The following ZNF541 variants were observed in gnomAD, a reference collection of about 807,000 sequenced individuals.
The protein encoded by ZNF541 is zinc finger protein 541.
Under a neutral mutation model 123.5 loss-of-function variants are expected in ZNF541, and 23 were observed. That is an observed-to-expected ratio of 0.19 (90% CI 0.13 to 0.26). The LOEUF (loss-of-function observed/expected upper bound fraction) is 0.26. Ranked by LOEUF, ZNF541 falls within the 10% of genes least tolerant of loss-of-function variation. ZNF541 has a pLI of 1.00. For synonymous variants in ZNF541, 751 were observed against 754.5 expected (o/e 1.00, Z 0.08); for missense variants, 1,612 against 1,789.9 (o/e 0.90, Z 1.79).
intron 14 of ZNF541, among the ~76,000 whole-genome samples, chr19:47,522,919 G>A (rs551207335): frequency 1.1e-4 from 17 of 151,088 alleles, no homozygotes; most frequent in African/African-American, 3.9e-4. Context: ...CCTAATTTTT[G>A]TATCTTTGTA....
In ZNF541 at chr19:47,552,061, T is replaced by C. The variant is rs141221469; in HGVS notation, c.308-2576A>G. On this transcript the variant is annotated intron_variant, in intron 3 of 16. Coordinates refer to ENST00000391901, the MANE Select transcript of ZNF541 (RefSeq NM_001277075.3). ...TTAGTAGAGACGGGGTTTTGCCATG[T>C]TGGCCAGGCTAGTCTCAAACTTCTG... 5.0e-3 allele frequency among the ~76,000 whole-genome samples: 763 copies of C among 151,832 alleles called. 8 individuals carry two copies. The highest frequency in any genetic ancestry group is 0.017 in the African/African-American group (721 of 41,420).
At chr19:47,541,437 A>C (rs1443469226) in intron 5 of ZNF541, among the ~76,000 whole-genome samples, 1 of 152,166 alleles carries the variant, frequency 6.6e-6, no homozygotes, top group African/African-American at 2.4e-5. Flanking sequence ...AAAATAAAAA[A>C]TAAAAACTTT....
chr19:47,534,717 T>G (rs1002701504), intron 9 of ZNF541, among the ~76,000 whole-genome samples: 2 of 151,462 alleles, frequency 1.3e-5, no homozygotes, highest in Non-Finnish European at 2.9e-5. Context: ...ATCAAAACAG[T>G]GTGATACTGG....
At chr19:47,530,216 T>A (rs182879000) in intron 12 of ZNF541, among the ~76,000 whole-genome samples, 83 of 151,450 alleles carry the variant, frequency 5.5e-4, no homozygotes, top group African/African-American at 2.0e-3. Context: ...TCACCCAGGC[T>A]GGAGTGCAGT....
At chr19:47,559,233 A>G (rs1970962331) in intron 2 of ZNF541, among the ~76,000 whole-genome samples, 1 of 151,592 alleles carries the variant, frequency 6.6e-6, no homozygotes, top group Admixed American at 6.6e-5. Context: ...TTAGCTGGGC[A>G]TGATGGTAGG....
chr19:47,523,140 T>C (rs1302208246), intron 14 of ZNF541, among the ~76,000 whole-genome samples: 1 of 151,300 alleles, frequency 6.6e-6, no homozygotes, highest in Admixed American at 6.6e-5. Context: ...GCAATTCCTC[T>C]GCCTCAGCCT....
At chr19:47,526,131 T>C (rs552838244) in intron 14 of ZNF541, among the ~76,000 whole-genome samples, 44 of 152,236 alleles carry the variant, frequency 2.9e-4, no homozygotes, top group Non-Finnish European at 5.6e-4. Context: ...TCACAAAGCA[T>C]GGATCTGGAT....
intron 4 of ZNF541, among the ~76,000 whole-genome samples, chr19:47,548,986 GGA>G (rs1262392441): frequency 1.3e-5 from 2 of 151,742 alleles, no homozygotes; most frequent in East Asian, 1.9e-4. Flanking sequence ...GGCTGAGGCA[GGA>G]GAATCACTTG....
chr19:47,556,005 G>T, intron 2 of ZNF541, 51 bp from the exon 3 acceptor site: 1 of 838,250 alleles, frequency 1.2e-6, no homozygotes, highest in Non-Finnish European at 1.8e-6. Context: ...AAACAGCATT[G>T]TGGGCAGAGC....
chr19:47,529,461 G>T, intron 13 of ZNF541, 116 bp downstream of exon 13: 2 of 1,025,596 alleles, frequency 2.0e-6, no homozygotes, highest in Non-Finnish European at 2.9e-6. Flanking sequence ...CTCCTGAAAG[G>T]CAGGCAAAGG....
At position 47,555,781 on chromosome 19, in the gene ZNF541, C is replaced by T; in HGVS notation, c.76G>A (p.Gly26Arg). The T allele has an allele frequency of 6.4e-7, 1 of 1,551,680 alleles. No individual in the cohort carries two copies. Among genetic ancestry groups the T allele is most frequent in the Non-Finnish European group, 8.7e-7 (1 of 1,147,002 alleles). ...MHLPSFSESQGLNCSDTLNRD... is the reference protein window; with the variant it reads ...MHLPSFSESQRLNCSDTLNRD... ...TTGAGGGTGTCGCTGCAGTTGAGCC[C>T]TTGGCTCTCTGAAAATGAAGGGAGG... is the stretch of plus-strand genomic sequence containing the variant. The change falls in exon 3 of 17, where the codon GGG (glycine) becomes AGG (arginine). Residue 26 changes from glycine to arginine, a missense_variant. By Grantham distance (125) the Gly-to-Arg change is moderately radical. Around this residue, in one of 5 missense-constraint regions of ZNF541, gnomAD observed 212 missense variants for 289.6 expected, o/e 0.73. Coordinates refer to ENST00000391901, the MANE Select transcript of ZNF541 (RefSeq NM_001277075.3).
At chr19:47,549,521 C>T in intron 3 of ZNF541, 36 bp from the exon 4 acceptor site, 1 of 1,548,164 alleles carries the variant, frequency 6.5e-7, no homozygotes, top group Non-Finnish European at 8.7e-7. Context: ...TATACACAGC[C>T]AAGGCAACCA....
chr19:47,543,464 A>G (rs1401410257), intron 5 of ZNF541, among the ~76,000 whole-genome samples: 1 of 152,080 alleles, frequency 6.6e-6, no homozygotes, highest in Non-Finnish European at 1.5e-5. Context: ...AAGACTCACA[A>G]TCAGAAAACA....
intron 2 of ZNF541, among the ~76,000 whole-genome samples, chr19:47,569,345 C>T (rs1392089920): frequency 1.3e-5 from 2 of 152,014 alleles, no homozygotes; most frequent in Non-Finnish European, 2.9e-5. Flanking sequence ...GTATTTAATT[C>T]CCACAATACT....
chr19:47,571,038 G>A (rs1327764829), intron 2 of ZNF541, among the ~76,000 whole-genome samples: 3 of 151,756 alleles, frequency 2.0e-5, no homozygotes, highest in Admixed American at 1.3e-4. Context: ...AAGCAGACAC[G>A]CATCTAAAAG....
rs771226369 is a variant in ZNF541 at position 47,538,559 on chromosome 19, C to T, written c.2797-120G>A. On this transcript the variant is annotated intron_variant, in intron 8 of 16. Coordinates refer to ENST00000391901, the MANE Select transcript of ZNF541 (RefSeq NM_001277075.3). ...CAGAGACAGGAAACTAGGAAATGCA[C>T]GCCCGGCAAAGGAGGCTGGCCACAC... The T allele has an allele frequency of 2.6e-4, 294 of 1,115,880 alleles. 1 individual carries two copies. The highest frequency in any genetic ancestry group is 1.4e-3 in the Middle Eastern group (7 of 4,858). The allele number at this position is 1,115,880 out of a possible 1,614,324, so 69.1% of individuals were successfully genotyped here.
chr19:47,568,681 T>C (rs1971360836), intron 2 of ZNF541, among the ~76,000 whole-genome samples: 1 of 151,968 alleles, frequency 6.6e-6, no homozygotes, highest in Non-Finnish European at 1.5e-5. Context: ...CCAATTTTTT[T>C]TGTTTTCCTG....
At chr19:47,543,643 CT>C (rs769335868) in intron 5 of ZNF541, among the ~76,000 whole-genome samples, 3,770 of 140,462 alleles carry the variant, frequency 0.027, 52 homozygotes, top group Middle Eastern at 0.059. Context: ...TCATGTTGAT[CT>C]TTTTTTTTTT....
intron 14 of ZNF541, among the ~76,000 whole-genome samples, 196 bp from the exon 15 acceptor site, chr19:47,522,190 T>G (rs1020892141): frequency 2.6e-5 from 4 of 152,142 alleles, no homozygotes; most frequent in South Asian, 2.1e-4. Context: ...TGGAGCCACA[T>G]AGTAGCCACC....
Sources: gnomAD v4.1 joint callset for allele counts (sites outside exome capture counted in the v4.1 genomes callset) on GRCh38, gnomAD v4.1.1 for gene constraint, gnomAD v4.1.1 regional missense constraint, MANE v1.5 for transcripts, NCBI Gene and HGNC (gene_info 2026-07-23, HGNC 2026-07-21) for gene names.